The following MACROD2 variants were observed in gnomAD, a reference collection of about 807,000 sequenced individuals.
The protein encoded by MACROD2 is mono-ADP ribosylhydrolase 2.
A neutral mutation model predicts 70.4 loss-of-function variants in MACROD2; 36 were observed. The ratio of observed to expected loss-of-function variants is 0.51; its 90% confidence interval spans 0.39 to 0.68. MACROD2 has a LOEUF of 0.68. MACROD2 is among the 30% of genes least tolerant of loss of function. The probability of loss-of-function intolerance (pLI) is 0.00; values close to 1 mark genes in which losing one functional copy is unlikely to be tolerated. For synonymous variants in MACROD2, 172 were observed against 178.8 expected (o/e 0.96, Z 0.30); for missense variants, 496 against 538.4 (o/e 0.92, Z 0.78).
intron 4 of MACROD2, among the ~76,000 whole-genome samples, chr20:14,603,826 A>G (rs1982641349): frequency 6.6e-6 from 1 of 152,164 alleles, no homozygotes; most frequent in Admixed American, 6.6e-5. Context: ...TGGCAGTATT[A>G]GGACCAATCT....
intron 3 of MACROD2, among the ~76,000 whole-genome samples, chr20:14,348,989 G>A (rs2083092549): frequency 6.6e-6 from 1 of 152,006 alleles, no homozygotes; most frequent in African/African-American, 2.4e-5. Context: ...GATTGCTTGA[G>A]CTTAGGAGGT....
At chr20:14,122,434 A>C (rs2054599791) in intron 3 of MACROD2, among the ~76,000 whole-genome samples, 1 of 152,160 alleles carries the variant, frequency 6.6e-6, no homozygotes, top group African/African-American at 2.4e-5. Context: ...ATTTATTCTG[A>C]AACATTATTC....
intron 5 of MACROD2, among the ~76,000 whole-genome samples, chr20:15,190,963 A>C (rs370913666): frequency 5.3e-5 from 8 of 152,260 alleles, no homozygotes; most frequent in African/African-American, 1.9e-4. Context: ...CTCATTTGCT[A>C]TCTCTAAGAA....
At chr20:14,205,199 C>G (rs1196778224) in intron 3 of MACROD2, among the ~76,000 whole-genome samples, 1 of 152,138 alleles carries the variant, frequency 6.6e-6, no homozygotes, top group Admixed American at 6.5e-5. Flanking sequence ...AATAATCTCT[C>G]ATTTTTCCTG....
intron 5 of MACROD2, among the ~76,000 whole-genome samples, chr20:15,028,337 T>C (rs911698746): frequency 6.6e-6 from 1 of 152,184 alleles, no homozygotes; most frequent in Non-Finnish European, 1.5e-5. Flanking sequence ...AGCTGAGCCT[T>C]CTAATGCACA....
intron 15 of MACROD2, among the ~76,000 whole-genome samples, chr20:16,012,452 C>G (rs1013669925): frequency 3.9e-5 from 6 of 152,170 alleles, no homozygotes; most frequent in African/African-American, 1.4e-4. Context: ...GGAAGGGAAG[C>G]AGTCATCAGC....
chr20:15,508,895 G>T (rs2047463072), intron 8 of MACROD2, among the ~76,000 whole-genome samples: 1 of 152,156 alleles, frequency 6.6e-6, no homozygotes. Context: ...CCATTCTGTT[G>T]GCTCAAGTGA....
chr20:15,848,161 A>G (rs1721290043), intron 8 of MACROD2, among the ~76,000 whole-genome samples: 1 of 152,174 alleles, frequency 6.6e-6, no homozygotes, highest in African/African-American at 2.4e-5. Context: ...ATTCTTTTGG[A>G]AGTTAAAATA....
intron 3 of MACROD2, among the ~76,000 whole-genome samples, chr20:14,426,141 T>A (rs1489910094): frequency 6.6e-6 from 1 of 152,134 alleles, no homozygotes; most frequent in Non-Finnish European, 1.5e-5. Context: ...CTAAATTATA[T>A]CATTGATTTT....
At chr20:15,610,919 A>G (rs930163619) in intron 8 of MACROD2, among the ~76,000 whole-genome samples, 1 of 147,020 alleles carries the variant, frequency 6.8e-6, no homozygotes, top group African/African-American at 2.5e-5. Context: ...ATTTCAGGCT[A>G]TTCAGATGAC....
chr20:15,454,232 GCAT>G (rs1253679210), intron 7 of MACROD2, among the ~76,000 whole-genome samples: 1 of 152,070 alleles, frequency 6.6e-6, no homozygotes, highest in Admixed American at 6.6e-5. Flanking sequence ...TAAGAACAGA[GCAT>G]TATTAGCAGT....
chr20:15,397,382 A>G (rs2045873620), intron 6 of MACROD2, among the ~76,000 whole-genome samples: 1 of 152,036 alleles, frequency 6.6e-6, no homozygotes, highest in African/African-American at 2.4e-5. Context: ...TGCAGCCTCA[A>G]CCTTCAGGGC....
intron 3 of MACROD2, among the ~76,000 whole-genome samples, chr20:14,321,681 C>G (rs762513839): frequency 1.8e-4 from 27 of 152,164 alleles, no homozygotes; most frequent in Admixed American, 2.0e-4. Flanking sequence ...ATGTAGCTCT[C>G]TTTGGATTCC....
intron 5 of MACROD2, among the ~76,000 whole-genome samples, chr20:15,138,167 A>G (rs1009188579): frequency 6.6e-6 from 1 of 152,136 alleles, no homozygotes; most frequent in Non-Finnish European, 1.5e-5. Context: ...TATATTCACT[A>G]TTAATACACA....
At position 14,207,740 on chromosome 20, in the gene MACROD2, A is replaced by G. The variant is rs533388986; in HGVS notation, c.271+122012A>G. 2.0e-5 allele frequency among the ~76,000 whole-genome samples: 3 copies of G among 152,326 alleles called. No individual in the cohort carries two copies. The South Asian group carries it at 6.2e-4, about 32-fold the overall frequency. The stretch of plus-strand genomic sequence containing the variant: ...TAAATAAGAGAAAAACTTTGAAGAC[A>G]TATAACTTTAGGCAGTAAGTCTCAT... On this transcript the variant is annotated intron_variant, in intron 3 of 17. Transcript: ENST00000684519.
chr20:14,363,263 A>G (rs1421351092), intron 3 of MACROD2, among the ~76,000 whole-genome samples: 1 of 152,152 alleles, frequency 6.6e-6, no homozygotes, highest in Non-Finnish European at 1.5e-5. Flanking sequence ...TTGTAATTCA[A>G]TGAATTTCTC....
chr20:14,448,047 A>C (rs2084203066), intron 3 of MACROD2, among the ~76,000 whole-genome samples: 1 of 151,322 alleles, frequency 6.6e-6, no homozygotes, highest in African/African-American at 2.4e-5. Context: ...AGAGAGATGT[A>C]AACATCTGCG....
rs572910125 is a variant in MACROD2, at chr20:15,661,602, G to A, written c.645+161755G>A. On this transcript the variant is annotated intron_variant, in intron 8 of 17. Coordinates refer to ENST00000684519, the MANE Select transcript of MACROD2 (RefSeq NM_001351661.2). ...AGTAGGACCCACTTTTCTACACTGC[G>A]GTACTGGGGGTAAAATTTCAATATG... Among the ~76,000 whole-genome samples the A allele has an allele frequency of 7.2e-5, 11 of 152,080 alleles. No homozygotes were observed. The South Asian group carries it at 1.2e-3, about 17-fold the overall frequency.
At chr20:14,610,696 A>G (rs1012042618) in intron 4 of MACROD2, among the ~76,000 whole-genome samples, 5 of 152,136 alleles carry the variant, frequency 3.3e-5, no homozygotes, top group African/African-American at 1.2e-4. Context: ...TTTAATCAGT[A>G]AAGCCTAGCA....
Sources: gnomAD v4.1 joint callset for allele counts (sites outside exome capture counted in the v4.1 genomes callset) on GRCh38, gnomAD v4.1.1 for gene constraint, MANE v1.5 for transcripts, NCBI Gene and HGNC (gene_info 2026-07-23, HGNC 2026-07-21) for gene names.